SYT1: variants seen among roughly 807,000 people sequenced by gnomAD.
The protein encoded by SYT1 is synaptotagmin-1.
A neutral mutation model predicts 44.8 loss-of-function variants in SYT1; 8 were observed. The ratio of observed to expected loss-of-function variants is 0.18; its 90% CI spans 0.10 to 0.32. SYT1 has a LOEUF of 0.32. Ranked by LOEUF, SYT1 falls within the 10% of genes least tolerant of loss-of-function variation. The pLI is 1.00. For synonymous variants in SYT1, 154 were observed against 188.8 expected, an observed-to-expected ratio of 0.82 and a Z score of 1.51; for missense variants, 286 against 509.3, an observed-to-expected ratio of 0.56 and a Z score of 4.22.
At chr12:79,410,525 AAAAC>A in intron 9 of SYT1, among the ~76,000 whole-genome samples, 1 of 151,660 alleles carries the variant, frequency 6.6e-6, no homozygotes. Flanking sequence ...AAAAAAAAAA[AAAAC>A]AGAACGACAA....
intron 3 of SYT1, among the ~76,000 whole-genome samples, chr12:79,183,306 T>G (rs912560600): frequency 6.6e-6 from 1 of 151,972 alleles, no homozygotes; most frequent in Non-Finnish European, 1.5e-5. Flanking sequence ...CACAGTAAGT[T>G]GCGCAGACAG....
chr12:78,884,933 G>GT (rs985744765), intron 1 of SYT1, among the ~76,000 whole-genome samples: 1 of 151,720 alleles, frequency 6.6e-6, no homozygotes, highest in Non-Finnish European at 1.5e-5. Flanking sequence ...TATTTTAACT[G>GT]TTTTTGTATA....
rs541367545 is a variant in SYT1 at position 78,995,032 on chromosome 12, A to G, written c.-84+17101A>G. ...TGGAAGCCAGCGATTCTCCACCTTCACTTCACCCTGGATCACCTGGGGAGT... is the reference window on the plus strand; with the variant it reads ...TGGAAGCCAGCGATTCTCCACCTTCGCTTCACCCTGGATCACCTGGGGAGT... On this transcript the variant is annotated intron_variant, in intron 2 of 10. Transcript: ENST00000261205. 1.2e-4 allele frequency among the ~76,000 whole-genome samples: 18 copies of G among 152,140 alleles called. No individual in the cohort carries two copies. The South Asian group carries it at 3.5e-3, about 30-fold the overall frequency.
At chr12:79,361,514 C>G (rs1409972523) in intron 9 of SYT1, among the ~76,000 whole-genome samples, 1 of 152,152 alleles carries the variant, frequency 6.6e-6, no homozygotes, top group Non-Finnish European at 1.5e-5. Context: ...CCTCTATACT[C>G]AAGCTAAAAT....
chr12:79,097,354 C>T (rs1878195093), intron 3 of SYT1, among the ~76,000 whole-genome samples: 1 of 152,036 alleles, frequency 6.6e-6, no homozygotes, highest in Admixed American at 6.6e-5. Flanking sequence ...ACATCCGGTA[C>T]ATAAGCATAT....
chr12:79,348,334 T>C (rs1193801303), intron 8 of SYT1, among the ~76,000 whole-genome samples: 3 of 152,190 alleles, frequency 2.0e-5, no homozygotes, highest in Non-Finnish European at 2.9e-5. Flanking sequence ...CCACTGGTCA[T>C]GGCTTGCCTG....
chr12:79,015,732 T>C (rs1871764750), intron 2 of SYT1, among the ~76,000 whole-genome samples: 1 of 152,180 alleles, frequency 6.6e-6, no homozygotes, highest in South Asian at 2.1e-4. Flanking sequence ...AAGGCTTATG[T>C]GAAAGACACA....
rs73351421 is a variant in SYT1 at position 78,982,294 on chromosome 12, A to T, written c.-84+4363A>T. Reference sequence around the variant, plus strand: ...GGCCCATAATTCTTCATCAACTGTAATTTTCAGTGAAATAAAAGTCTAAAT... The same window carrying T: ...GGCCCATAATTCTTCATCAACTGTATTTTTCAGTGAAATAAAAGTCTAAAT... On this transcript the variant is annotated intron_variant, in intron 2 of 10. Transcript: ENST00000261205. 8.6e-3 allele frequency among the ~76,000 whole-genome samples: 1,302 copies of T among 152,230 alleles called. 23 individuals are homozygous for T. The highest frequency in any genetic ancestry group is 0.03 in the African/African-American group (1,235 of 41,540).
intron 2 of SYT1, among the ~76,000 whole-genome samples, chr12:78,979,808 G>A (rs1030500445): frequency 6.6e-6 from 1 of 151,812 alleles, no homozygotes; most frequent in Non-Finnish European, 1.5e-5. Flanking sequence ...ATGGTAAAAG[G>A]TATTAAATTT....
At chr12:79,289,880 A>AAAC (rs1879490310) in intron 5 of SYT1, among the ~76,000 whole-genome samples, 1 of 144,006 alleles carries the variant, frequency 6.9e-6, no homozygotes, top group South Asian at 2.3e-4. Context: ...TTCTCTAATT[A>AAAC]AACTCAGTAG....
At chr12:78,892,357 C>CAGA (rs1875106200) in intron 1 of SYT1, among the ~76,000 whole-genome samples, 1 of 151,680 alleles carries the variant, frequency 6.6e-6, no homozygotes, top group Non-Finnish European at 1.5e-5. Flanking sequence ...TAATACTACT[C>CAGA]AGAAATTAGC....
intron 3 of SYT1, among the ~76,000 whole-genome samples, chr12:79,185,038 G>A (rs1872728216): frequency 6.6e-6 from 1 of 152,026 alleles, no homozygotes; most frequent in South Asian, 2.1e-4. Flanking sequence ...CCTAGCAAAA[G>A]GAAGTATCAA....
intron 4 of SYT1, among the ~76,000 whole-genome samples, chr12:79,285,404 C>T (rs1409724044): frequency 6.6e-6 from 1 of 152,064 alleles, no homozygotes; most frequent in African/African-American, 2.4e-5. Flanking sequence ...GAAAGTGAGG[C>T]AGAGAGAGGT....
intron 3 of SYT1, among the ~76,000 whole-genome samples, chr12:79,182,453 A>G (rs1033308683): frequency 6.6e-6 from 1 of 152,068 alleles, no homozygotes; most frequent in African/African-American, 2.4e-5. Context: ...GACCAGATGA[A>G]CAACAAGTTG....
At chr12:79,338,564 C>T (rs572088820) in intron 8 of SYT1, among the ~76,000 whole-genome samples, 134 of 152,142 alleles carry the variant, frequency 8.8e-4, no homozygotes, top group Non-Finnish European at 1.6e-3. Flanking sequence ...TGAGCCACCA[C>T]ACCTGACCAA....
intron 4 of SYT1, among the ~76,000 whole-genome samples, chr12:79,225,996 C>A (rs182623567): frequency 6.6e-6 from 1 of 152,100 alleles, no homozygotes; most frequent in Admixed American, 6.6e-5. Flanking sequence ...ATAATGTAAG[C>A]TCTCTGAAGG....
At chr12:79,115,548 T>C (rs1386598169) in intron 3 of SYT1, among the ~76,000 whole-genome samples, 1 of 152,182 alleles carries the variant, frequency 6.6e-6, no homozygotes, top group African/African-American at 2.4e-5. Flanking sequence ...AAGACAGCAC[T>C]ACCTAGACAA....
intron 3 of SYT1, among the ~76,000 whole-genome samples, chr12:79,091,645 A>G (rs1398670620): frequency 1.3e-5 from 2 of 151,982 alleles, no homozygotes; most frequent in African/African-American, 4.8e-5. Context: ...TGGAGAAAAA[A>G]GTGAAAATGT....
At chr12:79,297,314 T>G (rs1037308439) in intron 7 of SYT1, among the ~76,000 whole-genome samples, 3 of 152,140 alleles carry the variant, frequency 2.0e-5, no homozygotes, top group Non-Finnish European at 4.4e-5. Context: ...TCATGAAGAG[T>G]ATCTGCTCAT....
Sources: allele counts gnomAD v4.1 joint callset (sites outside exome capture counted in the v4.1 genomes callset), GRCh38; gene constraint gnomAD v4.1.1; transcripts MANE v1.5; gene names NCBI Gene and HGNC (gene_info 2026-07-23, HGNC 2026-07-21).